PTPRD: variants seen among roughly 807,000 people sequenced by gnomAD.
The protein encoded by PTPRD is receptor-type tyrosine-protein phosphatase delta.
PTPRD carries 34 observed loss-of-function variants against 214.5 expected under a neutral mutation model. The ratio of observed to expected loss-of-function variants is 0.16; its 90% CI spans 0.12 to 0.21. The LOEUF is 0.21. PTPRD is among the 10% of genes least tolerant of loss of function. The pLI is 1.00. For synonymous variants in PTPRD, 1,128 were observed against 845.7 expected, an observed-to-expected ratio of 1.33 and a Z score of -5.79; for missense variants, 2,545 against 2,398.7, an observed-to-expected ratio of 1.06 and a Z score of -1.27.
At chr9:10,081,933 T>C (rs2098245213) in intron 3 of PTPRD, among the ~76,000 whole-genome samples, 1 of 152,066 alleles carries the variant, frequency 6.6e-6, no homozygotes, top group African/African-American at 2.4e-5. Flanking sequence ...TAACCAGTGT[T>C]TTGTAATTAA....
chr9:9,095,720 A>T (rs1297288045), intron 10 of PTPRD, among the ~76,000 whole-genome samples: 1 of 152,182 alleles, frequency 6.6e-6, no homozygotes, highest in Non-Finnish European at 1.5e-5. Flanking sequence ...TAAAAATAGA[A>T]CTACCATATG....
At chr9:9,440,424 T>C (rs2087110353) in intron 8 of PTPRD, among the ~76,000 whole-genome samples, 1 of 152,204 alleles carries the variant, frequency 6.6e-6, no homozygotes, top group East Asian at 1.9e-4. Flanking sequence ...AAGGGGCAAT[T>C]AATTTGCATG....
At chr9:10,416,868 A>T (rs2098495508) in intron 2 of PTPRD, among the ~76,000 whole-genome samples, 1 of 151,780 alleles carries the variant, frequency 6.6e-6, no homozygotes, top group African/African-American at 2.4e-5. Context: ...TAGCAAGGAG[A>T]GAGTTCTGAG....
In PTPRD at chr9:10,531,219, G is replaced by T. The variant is rs180995142; in HGVS notation, c.-600+81179C>A. Among the ~76,000 whole-genome samples, 13 of 152,184 alleles carry T rather than the reference G, an allele frequency of 8.5e-5. No homozygotes were observed. In the East Asian group the frequency reaches 2.3e-3, roughly 27 times the overall value. On this transcript the variant is annotated intron_variant, in intron 2 of 45. Coordinates refer to ENST00000381196, the MANE Select transcript of PTPRD (RefSeq NM_002839.4). ...CCCTCCTCAGTCTCCCAAATGGCTGGGATTGCAGGCATGAGCCACTATGCC... is the reference window on the plus strand; with the variant it reads ...CCCTCCTCAGTCTCCCAAATGGCTGTGATTGCAGGCATGAGCCACTATGCC...
chr9:8,846,186 T>C (rs976527170), intron 11 of PTPRD, among the ~76,000 whole-genome samples: 3 of 152,102 alleles, frequency 2.0e-5, no homozygotes, highest in Admixed American at 6.6e-5. Flanking sequence ...AATATAAAAT[T>C]AAAATTAATT....
intron 42 of PTPRD, among the ~76,000 whole-genome samples, chr9:8,339,528 G>A (rs1185558561): frequency 6.6e-6 from 1 of 152,084 alleles, no homozygotes; most frequent in East Asian, 1.9e-4. Flanking sequence ...AAGGAAACGA[G>A]GGGCCCAGTC....
chr9:9,579,687 G>C (rs1333230439), intron 7 of PTPRD, among the ~76,000 whole-genome samples: 1 of 152,134 alleles, frequency 6.6e-6, no homozygotes, highest in East Asian at 1.9e-4. Context: ...CCTTCAGTTA[G>C]ATGTAGCTTA....
intron 12 of PTPRD, among the ~76,000 whole-genome samples, chr9:8,729,021 G>C (rs2098623943): frequency 1.3e-5 from 2 of 152,002 alleles, no homozygotes; most frequent in South Asian, 4.2e-4. Context: ...GATAATTCCT[G>C]GTCATATCAA....
chr9:9,944,690 G>A (rs1223948661), intron 4 of PTPRD, among the ~76,000 whole-genome samples: 1 of 151,772 alleles, frequency 6.6e-6, no homozygotes, highest in African/African-American at 2.4e-5. Flanking sequence ...AAAACAGCAA[G>A]AAATCCAGCT....
At chr9:8,420,584 T>C (rs1228539669) in intron 35 of PTPRD, among the ~76,000 whole-genome samples, 1 of 152,084 alleles carries the variant, frequency 6.6e-6, no homozygotes, top group African/African-American at 2.4e-5. Flanking sequence ...AACGATTATA[T>C]CCCTTTTCAA....
chr9:9,873,654 T>C (rs1241991444), intron 5 of PTPRD, among the ~76,000 whole-genome samples: 1 of 152,132 alleles, frequency 6.6e-6, no homozygotes, highest in Non-Finnish European at 1.5e-5. Flanking sequence ...AACAGCAAAT[T>C]AGAATGTAGT....
At chr9:8,333,904 C>G (rs1844015516) in intron 43 of PTPRD, among the ~76,000 whole-genome samples, 1 of 151,942 alleles carries the variant, frequency 6.6e-6, no homozygotes, top group Non-Finnish European at 1.5e-5. Flanking sequence ...AAACTGATGA[C>G]TTTAAACCAA....
chr9:10,160,188 C>T (rs1211918923), intron 3 of PTPRD, among the ~76,000 whole-genome samples: 1 of 151,960 alleles, frequency 6.6e-6, no homozygotes, highest in African/African-American at 2.4e-5. Flanking sequence ...GGAGGAGCAG[C>T]TCTACTTATA....
At chr9:8,835,749 G>C (rs1176390106) in intron 11 of PTPRD, among the ~76,000 whole-genome samples, 5 of 151,938 alleles carry the variant, frequency 3.3e-5, no homozygotes, top group Non-Finnish European at 7.4e-5. Context: ...TGCTGCCCAG[G>C]CTGGTCTTGA....
At chr9:9,191,245 T>A (rs1266549136) in intron 9 of PTPRD, among the ~76,000 whole-genome samples, 1 of 152,142 alleles carries the variant, frequency 6.6e-6, no homozygotes, top group South Asian at 2.1e-4. Context: ...TTAATTTCTT[T>A]CGCTTACGAC....
chr9:8,355,815 G>T (rs1189313638), intron 39 of PTPRD, among the ~76,000 whole-genome samples: 2 of 152,198 alleles, frequency 1.3e-5, no homozygotes, highest in Non-Finnish European at 2.9e-5. Context: ...TGGGACCAAA[G>T]ATTGTGCATT....
chr9:10,286,182 T>C (rs2095346899), intron 3 of PTPRD, among the ~76,000 whole-genome samples: 1 of 152,188 alleles, frequency 6.6e-6, no homozygotes. Flanking sequence ...AATCAGTAAC[T>C]AGCTATTAAA....
intron 3 of PTPRD, among the ~76,000 whole-genome samples, chr9:10,087,138 T>TG: frequency 2.5e-5 from 1 of 39,568 alleles, no homozygotes; most frequent in African/African-American, 8.0e-5. Context: ...TGTTTTAGAG[T>TG]TTTTTTTTTT....
At chr9:8,498,349 C>T (rs2097322422) in intron 25 of PTPRD, among the ~76,000 whole-genome samples, 1 of 152,104 alleles carries the variant, frequency 6.6e-6, no homozygotes, top group Non-Finnish European at 1.5e-5. Context: ...GATCTTGGCT[C>T]ACTGCAAACT....
Sources: gnomAD v4.1 joint callset for allele counts (sites outside exome capture counted in the v4.1 genomes callset) on GRCh38, gnomAD v4.1.1 for gene constraint, MANE v1.5 for transcripts, NCBI Gene and HGNC (gene_info 2026-07-23, HGNC 2026-07-21) for gene names.